The following RAB6A variants were observed in gnomAD, a reference collection of about 807,000 sequenced individuals.
RAB6A encodes the protein ras-related protein Rab-6A.
In RAB6A, 8 loss-of-function variants were observed where a neutral mutation model predicts 32.3. That is an observed-to-expected ratio of 0.25 (90% confidence interval 0.15 to 0.45). RAB6A has a LOEUF of 0.45. RAB6A is among the 20% of genes least tolerant of loss of function. RAB6A has a pLI of 1.00. For missense variants in RAB6A, 104 were observed against 249.4 expected (o/e 0.42, Z 3.93); for synonymous variants, 73 against 82.1 (o/e 0.89, Z 0.60).
At chr11:73,714,209 A>AAATATATATATATATATAT (rs35864471) in intron 5 of RAB6A, among the ~76,000 whole-genome samples, 25 of 57,534 alleles carry the variant, frequency 4.3e-4, no homozygotes, top group African/African-American at 1.5e-3. Flanking sequence ...AAAAAAAAAA[A>AAATATATATATATATATAT]ATATATATAT....
At chr11:73,723,344 G>A (rs1419500018) in intron 2 of RAB6A, among the ~76,000 whole-genome samples, 1 of 151,662 alleles carries the variant, frequency 6.6e-6, no homozygotes, top group East Asian at 1.9e-4. Context: ...TTTATTTTGA[G>A]AGACAGAGTC....
chr11:73,739,280 A>AT lies in RAB6A; in HGVS notation c.71-8458_71-8457insA, dbSNP rs1389085059. The stretch of plus-strand genomic sequence containing the variant: ...ATAATAATTAAAAAAAAAAAAAAAA[A>AT]AAAAATATATATATATATATATATA... On this transcript the variant is annotated intron_variant, in intron 1 of 7. Transcript: ENST00000336083. Among the ~76,000 whole-genome samples, 175 of 18,368 alleles carry AT rather than the reference A, an allele frequency of 9.5e-3. 3 individuals carry two copies. Among genetic ancestry groups the AT allele is most frequent in the Non-Finnish European group, 0.014 (105 of 7,480 alleles). The allele number at this position is 18,368 out of a possible 152,430, so 12.1% of individuals were successfully genotyped here.
At chr11:73,689,461 T>C (rs547206914) in intron 6 of RAB6A, among the ~76,000 whole-genome samples, 1 of 152,304 alleles carries the variant, frequency 6.6e-6, no homozygotes, top group East Asian at 1.9e-4. Flanking sequence ...TGTGGGTTGG[T>C]TCCTAACAGG....
intron 4 of RAB6A, 152 bp from the exon 5 acceptor site, chr11:73,716,514 A>G (rs1946055809): frequency 1.8e-6 from 1 of 542,358 alleles, no homozygotes; most frequent in Non-Finnish European, 3.3e-6. Flanking sequence ...ACTCCATTTT[A>G]TCTGATTACA....
chr11:73,745,700 C>T (rs1051177637), intron 1 of RAB6A, among the ~76,000 whole-genome samples: 3 of 151,988 alleles, frequency 2.0e-5, no homozygotes, highest in African/African-American at 7.2e-5. Flanking sequence ...GGCATGGTGG[C>T]GTGTGCCTGT....
intron 1 of RAB6A, among the ~76,000 whole-genome samples, chr11:73,731,655 C>T (rs1043757469): frequency 4.2e-4 from 59 of 142,006 alleles, no homozygotes; most frequent in Non-Finnish European, 6.0e-4. Flanking sequence ...CATAACTTCA[C>T]TTTGTATTGT....
intron 5 of RAB6A, among the ~76,000 whole-genome samples, chr11:73,711,248 G>A (rs1945953217): frequency 6.6e-6 from 1 of 152,168 alleles, no homozygotes. Context: ...ACTTGATGCT[G>A]AGCTCCACAG....
chr11:73,709,674 C>T (rs913776424), intron 5 of RAB6A, among the ~76,000 whole-genome samples: 17 of 149,788 alleles, frequency 1.1e-4, no homozygotes, highest in African/African-American at 3.9e-4. Flanking sequence ...TAATTTGTCA[C>T]TTCTTCAAGT....
chr11:73,757,021 A>G (rs555975912), intron 1 of RAB6A, among the ~76,000 whole-genome samples: 1 of 143,896 alleles, frequency 6.9e-6, no homozygotes, highest in African/African-American at 2.6e-5. Context: ...GTTAAGATTG[A>G]TGTCATTAAC....
At chr11:73,735,956 A>G (rs978137093) in intron 1 of RAB6A, among the ~76,000 whole-genome samples, 2 of 148,918 alleles carry the variant, frequency 1.3e-5, no homozygotes, top group African/African-American at 4.9e-5. Flanking sequence ...AGAGACAGAG[A>G]GAGATAAATC....
chr11:73,760,692 G>C lies in RAB6A; in HGVS notation c.-57C>G. 6.4e-7 allele frequency: 1 copy of C among 1,561,294 alleles called. No homozygotes were observed. Among genetic ancestry groups the C allele is most frequent in the Non-Finnish European group, 8.7e-7 (1 of 1,151,726 alleles). On this transcript the variant is annotated 5_prime_UTR_variant, in exon 1 of 8. Coordinates refer to ENST00000336083, the MANE Select transcript of RAB6A (RefSeq NM_198896.2). ...CCTAGAGACCTCCCGGACCGATGCT[G>C]CTCCAGCCAGCTGACGAAAAAGGCG...
At chr11:73,731,534 G>T (rs7933372) in intron 1 of RAB6A, among the ~76,000 whole-genome samples, 1 of 135,740 alleles carries the variant, frequency 7.4e-6, no homozygotes, top group African/African-American at 2.8e-5. Context: ...CAGAGACTCC[G>T]TCTCAAAAAA....
At chr11:73,689,181 C>T (rs1159058740) in intron 6 of RAB6A, among the ~76,000 whole-genome samples, 7 of 152,102 alleles carry the variant, frequency 4.6e-5, no homozygotes, top group South Asian at 2.1e-4. Context: ...TTTACATCAG[C>T]GATCCCCAAC....
chr11:73,752,361 TA>T lies in RAB6A; in HGVS notation c.70+8204del, dbSNP rs532463572. Among the ~76,000 whole-genome samples, 398 of 152,076 alleles carry T rather than the reference TA, an allele frequency of 2.6e-3. 5 individuals carry two copies. Among genetic ancestry groups the T allele is most frequent in the South Asian group, 3.9e-3 (19 of 4,826 alleles). ...ATCTCAGCTACTCAGGAGACTGAGG[TA>T]TGAGAATCGTTTGAACCCGGGAGGT... is the stretch of plus-strand genomic sequence containing the variant. On this transcript the variant is annotated intron_variant, in intron 1 of 7. Coordinates refer to ENST00000336083, the MANE Select transcript of RAB6A (RefSeq NM_198896.2).
intron 1 of RAB6A, among the ~76,000 whole-genome samples, chr11:73,732,437 T>G (rs1411610871): frequency 1.3e-5 from 2 of 151,996 alleles, no homozygotes; most frequent in African/African-American, 2.4e-5. Context: ...ATACAAAAAA[T>G]TAGCCAGGCG....
chr11:73,737,197 T>C (rs1946411861), intron 1 of RAB6A, among the ~76,000 whole-genome samples: 1 of 152,044 alleles, frequency 6.6e-6, no homozygotes, highest in Non-Finnish European at 1.5e-5. Context: ...GAACTCACAA[T>C]GGAAATTTAG....
At chr11:73,721,112 CTTTT>C (rs560662168) in intron 2 of RAB6A, among the ~76,000 whole-genome samples, 3 of 152,126 alleles carry the variant, frequency 2.0e-5, no homozygotes, top group Non-Finnish European at 4.4e-5. Context: ...TGTTTTAAGC[CTTTT>C]ACATGATCAT....
chr11:73,709,896 TACAC>T (rs1279779226), intron 5 of RAB6A, among the ~76,000 whole-genome samples: 1 of 147,350 alleles, frequency 6.8e-6, no homozygotes, highest in African/African-American at 2.5e-5. Flanking sequence ...TACATATATA[TACAC>T]ACACATATAT....
chr11:73,714,739 G>A (rs961816321), intron 5 of RAB6A, among the ~76,000 whole-genome samples: 42 of 151,252 alleles, frequency 2.8e-4, no homozygotes, highest in East Asian at 1.8e-3. Flanking sequence ...AGGCTGAGGC[G>A]GGTGGATCAC....
Sources: gnomAD v4.1 joint callset for allele counts (sites outside exome capture counted in the v4.1 genomes callset) on GRCh38, gnomAD v4.1.1 for gene constraint, MANE v1.5 for transcripts, NCBI Gene and HGNC (gene_info 2026-07-23, HGNC 2026-07-21) for gene names.